The following BICD1 variants were observed in gnomAD, a reference collection of about 807,000 sequenced individuals.
The protein encoded by BICD1 is protein bicaudal D homolog 1.
A neutral mutation model predicts 92.5 loss-of-function variants in BICD1; 35 were observed. The observed-to-expected ratio is 0.38, with a 90% CI of 0.29 to 0.50. BICD1 has a LOEUF of 0.50. BICD1 is among the 20% of genes least tolerant of loss of function. The pLI is 0.93. For missense variants in BICD1, 950 were observed against 1,189.8 expected, an observed-to-expected ratio of 0.80 and a Z score of 2.97; for synonymous variants, 429 against 465.1, an observed-to-expected ratio of 0.92 and a Z score of 1.00.
intron 5 of BICD1, chr12:32,333,098 C>G: frequency 3.0e-6 from 3 of 984,276 alleles, no homozygotes; most frequent in Non-Finnish European, 3.6e-6. Flanking sequence ...CCATTTTATT[C>G]CCCTTAGATA....
At chr12:32,207,746 T>G (rs1945101878) in intron 1 of BICD1, among the ~76,000 whole-genome samples, 1 of 152,208 alleles carries the variant, frequency 6.6e-6, no homozygotes, top group Non-Finnish European at 1.5e-5. Context: ...AGCTGCAACC[T>G]TTGCTAATAT....
chr12:32,293,844 A>G lies in BICD1; in HGVS notation c.427-150A>G, dbSNP rs1440470966. The G allele has an allele frequency of 5.8e-6, 4 of 693,392 alleles. No individual in the cohort carries two copies. The African/African-American group carries it at 7.5e-5, about 13-fold the overall frequency. 43.0% of individuals were successfully genotyped at this position (693,392 alleles called of 1,614,324 possible). ...ATATATGTGCTTTTAAGTTTTTGAC[A>G]GATACCACTAAATTGCCATTCGAAA... On this transcript the variant is annotated intron_variant, in intron 2 of 9. Coordinates refer to ENST00000652176, the MANE Select transcript of BICD1 (RefSeq NM_001714.4).
chr12:32,368,478 TG>T (rs1274995989), intron 9 of BICD1, among the ~76,000 whole-genome samples: 2 of 152,218 alleles, frequency 1.3e-5, no homozygotes, highest in Non-Finnish European at 2.9e-5. Context: ...AGGGATTACC[TG>T]AGGTCAGGAG....
At position 32,381,350 on chromosome 12, in the gene BICD1, G is replaced by T. The variant is rs1264208080; in HGVS notation, c.*3723G>T. 6.6e-6 allele frequency: 1 copy of T among 151,996 alleles called. No individual in the cohort carries two copies. Among genetic ancestry groups the T allele is most frequent in the Non-Finnish European group, 1.5e-5 (1 of 67,970 alleles). The allele number at this position is 151,996 out of a possible 1,614,324, so 9.4% of individuals were successfully genotyped here. The stretch of plus-strand genomic sequence containing the variant: ...AATAGAAGGTATGCAATCCCTTAGT[G>T]GGGGGCAAACACATTTCAGATTTCG... On this transcript the variant is annotated 3_prime_UTR_variant, in exon 10 of 10. Coordinates refer to ENST00000652176, the MANE Select transcript of BICD1 (RefSeq NM_001714.4).
At chr12:32,317,219 C>G (rs1341919071) in intron 4 of BICD1, among the ~76,000 whole-genome samples, 2 of 152,292 alleles carry the variant, frequency 1.3e-5, no homozygotes, top group African/African-American at 4.8e-5. Flanking sequence ...TGGGTATATA[C>G]CCAGTAATGG....
At chr12:32,308,552 T>C (rs566089615) in intron 4 of BICD1, among the ~76,000 whole-genome samples, 2 of 152,336 alleles carry the variant, frequency 1.3e-5, no homozygotes, top group Non-Finnish European at 2.9e-5. Flanking sequence ...TCCTTTAATT[T>C]ATTAGGCACT....
intron 8 of BICD1, among the ~76,000 whole-genome samples, chr12:32,342,212 A>ATGTG (rs1565684615): frequency 7.3e-6 from 1 of 136,424 alleles, no homozygotes; most frequent in African/African-American, 3.1e-5. Flanking sequence ...GTGTATATAT[A>ATGTG]TATATATATA....
rs769548139 is a variant in BICD1 at position 32,327,433 on chromosome 12, ATT to A, written c.1006-27_1006-26del. ...TCATCATTGGTGCTGCCTTGAGGTG[ATT>A]CAGAAACTTTCTTTTGCCATTGCAG... On this transcript the variant is annotated intron_variant, in intron 4 of 9. Transcript: ENST00000652176. The A allele has an allele frequency of 4.3e-5, 68 of 1,573,948 alleles. 1 individual carries two copies. In the African/African-American group the frequency reaches 8.4e-4, roughly 19 times the overall value.
chr12:32,246,904 G>A (rs1167554181), intron 2 of BICD1, among the ~76,000 whole-genome samples: 2 of 152,036 alleles, frequency 1.3e-5, no homozygotes, highest in Non-Finnish European at 2.9e-5. Flanking sequence ...GAGAAGCTGG[G>A]TTGGTTTGGG....
intron 1 of BICD1, among the ~76,000 whole-genome samples, chr12:32,131,501 C>T (rs1942545354): frequency 6.6e-6 from 1 of 152,136 alleles, no homozygotes; most frequent in Admixed American, 6.6e-5. Context: ...ATACTGTGTT[C>T]ATAAAAAGCC....
At chr12:32,316,254 G>A (rs1275140412) in intron 4 of BICD1, among the ~76,000 whole-genome samples, 3 of 151,394 alleles carry the variant, frequency 2.0e-5, no homozygotes, top group Non-Finnish European at 4.4e-5. Flanking sequence ...GGTAGGTTAT[G>A]TGTATTAAAT....
At chr12:32,190,419 A>G (rs1404657872) in intron 1 of BICD1, among the ~76,000 whole-genome samples, 1 of 152,244 alleles carries the variant, frequency 6.6e-6, no homozygotes, top group Non-Finnish European at 1.5e-5. Context: ...TTCCACGCAA[A>G]TAGTAATCAA....
chr12:32,346,592 A>ACGTG (rs1938612275), intron 8 of BICD1, among the ~76,000 whole-genome samples: 1 of 14,736 alleles, frequency 6.8e-5, no homozygotes, highest in Non-Finnish European at 9.7e-5. Context: ...ACGTGTATAT[A>ACGTG]TATATATATA....
chr12:32,343,579 CTG>C (rs1250580229), intron 8 of BICD1, among the ~76,000 whole-genome samples: 2 of 152,188 alleles, frequency 1.3e-5, no homozygotes, highest in Admixed American at 1.3e-4. Context: ...GCTCTTCACA[CTG>C]TGTTTCCCAT....
intron 2 of BICD1, among the ~76,000 whole-genome samples, chr12:32,283,334 G>A (rs549697027): frequency 4.2e-5 from 6 of 142,040 alleles, no homozygotes; most frequent in Non-Finnish European, 6.4e-5. Context: ...ACCCGGGGAC[G>A]TCTTGCTCAG....
chr12:32,146,623 G>A (rs189969332), intron 1 of BICD1, among the ~76,000 whole-genome samples: 14 of 152,306 alleles, frequency 9.2e-5, no homozygotes, highest in African/African-American at 2.4e-4. Flanking sequence ...AGGAAAAGAG[G>A]TACAGATGGA....
In BICD1 at chr12:32,183,472, G is replaced by A. The variant is rs976715728; in HGVS notation, c.214-32775G>A. Reference sequence around the variant, plus strand: ...AGTAGAGACAGGGTTTCACCATGTTGGCCAGGCTGGTCTTGAACTCCTGAC... The same window carrying A: ...AGTAGAGACAGGGTTTCACCATGTTAGCCAGGCTGGTCTTGAACTCCTGAC... On this transcript the variant is annotated intron_variant, in intron 1 of 9. Transcript: ENST00000652176. Among the ~76,000 whole-genome samples, 5 of 151,766 alleles carry A rather than the reference G, an allele frequency of 3.3e-5. No individual in the cohort carries two copies. The East Asian group carries it at 5.8e-4, about 18-fold the overall frequency.
chr12:32,266,917 T>G (rs1039077927), intron 2 of BICD1, among the ~76,000 whole-genome samples: 4 of 152,064 alleles, frequency 2.6e-5, no homozygotes, highest in Non-Finnish European at 4.4e-5. Flanking sequence ...TCAGTCACAT[T>G]CTAGTAAGAA....
At chr12:32,224,003 G>A (rs887011136) in intron 2 of BICD1, among the ~76,000 whole-genome samples, 6 of 152,198 alleles carry the variant, frequency 3.9e-5, no homozygotes, top group Admixed American at 3.9e-4. Flanking sequence ...TTGAAATATT[G>A]CAAGAATTAC....
Sources: allele counts gnomAD v4.1 joint callset (sites outside exome capture counted in the v4.1 genomes callset), GRCh38; gene constraint gnomAD v4.1.1; transcripts MANE v1.5; gene names NCBI Gene and HGNC (gene_info 2026-07-23, HGNC 2026-07-21).